The following ITGB2 variants were observed in gnomAD, a reference collection of about 807,000 sequenced individuals.
The protein encoded by ITGB2 is integrin subunit beta 2, also known as integrin beta-2.
Under a neutral mutation model 86.8 loss-of-function variants are expected in ITGB2, and 56 were observed. The ratio of observed to expected loss-of-function variants is 0.65; its 90% CI spans 0.52 to 0.81. The LOEUF (loss-of-function observed/expected upper bound fraction) is 0.81, where lower values mean the gene tolerates loss of function less well. ITGB2 is among the 30% of genes least tolerant of loss of function. The pLI is 0.00. For synonymous variants in ITGB2, 457 were observed against 450.4 expected (o/e 1.01, Z -0.19); for missense variants, 948 against 1,061.2 (o/e 0.89, Z 1.48).
upstream of ITGB2, among the ~76,000 whole-genome samples, chr21:44,924,806 C>T (rs2084351323): frequency 6.6e-6 from 1 of 152,162 alleles, no homozygotes; most frequent in Non-Finnish European, 1.5e-5. Context: ...GCTCTGAAGC[C>T]TCGTGACCCA....
chr21:44,903,625 G>C, intron 4 of ITGB2, 90 bp from the exon 5 acceptor site: 1 of 1,479,196 alleles, frequency 6.8e-7, no homozygotes, highest in Non-Finnish European at 9.3e-7. Flanking sequence ...CTGTGCACTG[G>C]CACCCTCTCC....
chr21:44,886,915 C>T lies in ITGB2; in HGVS notation c.2081-13G>A. 6.2e-7 allele frequency: 1 copy of T among 1,611,732 alleles called. No individual in the cohort carries two copies. Among genetic ancestry groups the T allele is most frequent in the East Asian group, 2.2e-5 (1 of 44,888 alleles). On this transcript the variant is annotated splice_polypyrimidine_tract_variant and intron_variant, in intron 14 of 15. Coordinates refer to ENST00000652462, the MANE Select transcript of ITGB2 (RefSeq NM_000211.5). ...CCTGCCACACACTCTAGGGAAGAAG[C>T]AGCACACCTGAGCGTCAGTCCAGCC... is the stretch of plus-strand genomic sequence containing the variant.
rs1207418790 is a variant in ITGB2 at position 44,886,010 on chromosome 21, A to T, written c.*358T>A. On this transcript the variant is annotated 3_prime_UTR_variant, in exon 16 of 16. Transcript: ENST00000652462. ...TTTTTTCTATACACGTGATTGATTA[A>T]CAATATAATTAATGGGATGTCATTT... 5.7e-6 allele frequency: 2 copies of T among 351,408 alleles called. No individual in the cohort carries two copies. The highest frequency in any genetic ancestry group is 1.1e-5 in the Non-Finnish European group (2 of 184,008). 21.8% of individuals were successfully genotyped at this position (351,408 alleles called of 1,614,324 possible).
chr21:44,894,586 C>T (rs2083836731), intron 9 of ITGB2: 3 of 341,828 alleles, frequency 8.8e-6, no homozygotes, highest in South Asian at 7.2e-5. Flanking sequence ...TTCCACCCCC[C>T]AGGGTGTCTT....
chr21:44,919,158 G>T (rs1330980062), intron 1 of ITGB2, among the ~76,000 whole-genome samples: 2 of 152,190 alleles, frequency 1.3e-5, no homozygotes. Flanking sequence ...CCCCCCCGGG[G>T]TCAGGTGGCC....
At chr21:44,893,337 G>C in intron 10 of ITGB2, 67 bp downstream of exon 10, 2 of 1,588,538 alleles carry the variant, frequency 1.3e-6, no homozygotes, top group Non-Finnish European at 8.6e-7. Flanking sequence ...TGGGGACCCT[G>C]GCTCCTTCTG....
At chr21:44,893,619 A>T (rs1371816063) in intron 9 of ITGB2, 75 bp from the exon 10 acceptor site, 5 of 1,574,166 alleles carry the variant, frequency 3.2e-6, no homozygotes, top group Non-Finnish European at 4.4e-6. Flanking sequence ...AGCGGTTTAG[A>T]CCCGTCTCCA....
At position 44,901,816 on chromosome 21, in the gene ITGB2, C is replaced by G. The variant is rs1382827947; in HGVS notation, c.500-83G>C. Reference sequence around the variant, plus strand: ...AGCTTCAAAGGGGCACGAGGGCAAGCCTGTTTCCTCTCTCCTAGCAGGGAG... The same window carrying G: ...AGCTTCAAAGGGGCACGAGGGCAAGGCTGTTTCCTCTCTCCTAGCAGGGAG... On this transcript the variant is annotated intron_variant, in intron 5 of 15. Transcript: ENST00000652462. The G allele has an allele frequency of 3.4e-6, 5 of 1,452,746 alleles. No homozygotes were observed. The African/African-American group carries it at 4.2e-5, about 12-fold the overall frequency. 90.0% of individuals were successfully genotyped at this position (1,452,746 alleles called of 1,614,324 possible). A position where few individuals can be genotyped will look rare whatever the true frequency, so the allele number is the denominator to read the frequency against.
chr21:44,916,696 C>T (rs78358444), intron 1 of ITGB2, among the ~76,000 whole-genome samples: 4,523 of 151,802 alleles, frequency 0.03, 101 homozygotes, highest in Non-Finnish European at 0.046. Context: ...AGTGAAACCC[C>T]ATCTCTACTA....
rs199810704 is a variant in ITGB2, at chr21:44,907,095, T to A, written c.148A>T (p.Asn50Tyr). ...TCAGGATCCCCCGGCCCTGTGAAGT[T>A]CTGGGGAGGGGGAGTCAGGGGTCAG... is the stretch of plus-strand genomic sequence containing the variant. ...GPGCTWCQKL[N>Y]FTGPGDPDSI... is the part of the protein sequence containing the mutation. Residue 50 changes from asparagine (N) to tyrosine (Y), a missense_variant and splice_region_variant, in exon 4 of 16, where the codon AAC (asparagine) becomes TAC (tyrosine). Asn to Tyr is a moderately radical substitution (Grantham distance 143). Coordinates refer to ENST00000652462, the MANE Select transcript of ITGB2 (RefSeq NM_000211.5). 1 of 1,596,178 alleles carries A rather than the reference T, an allele frequency of 6.3e-7. No homozygotes were observed. Among genetic ancestry groups the A allele is most frequent in the Non-Finnish European group, 8.6e-7 (1 of 1,168,412 alleles).
intron 4 of ITGB2, 34 bp downstream of exon 4, chr21:44,906,881 C>T (rs199851343): frequency 1.0e-4 from 164 of 1,609,758 alleles, no homozygotes; most frequent in Middle Eastern, 3.3e-4. Context: ...CCAGCACAGA[C>T]GGTGCCTGGC....
At chr21:44,920,039 C>G (rs1437423164) in intron 1 of ITGB2, among the ~76,000 whole-genome samples, 1 of 152,166 alleles carries the variant, frequency 6.6e-6, no homozygotes, top group African/African-American at 2.4e-5. Context: ...CCAACTCGAC[C>G]AGAATCGCAC....
chr21:44,921,970 C>G (rs141547941), upstream of ITGB2, among the ~76,000 whole-genome samples: 1 of 152,206 alleles, frequency 6.6e-6, no homozygotes, highest in African/African-American at 2.4e-5. Context: ...GTGATCCATC[C>G]ACCTCTGCCT....
In ITGB2 at chr21:44,906,174, C is replaced by T. The variant is rs974938860; in HGVS notation, c.328+741G>A. On this transcript the variant is annotated intron_variant, in intron 4 of 15. Coordinates refer to ENST00000652462, the MANE Select transcript of ITGB2 (RefSeq NM_000211.5). ...TCCCTTCCCTCCCTTCCCTCCCTCCCTTCCCTCCCCTTCTCTTCCCTTCCT... is the reference window on the plus strand; with the variant it reads ...TCCCTTCCCTCCCTTCCCTCCCTCCTTTCCCTCCCCTTCTCTTCCCTTCCT... Among the ~76,000 whole-genome samples the T allele has an allele frequency of 1.0e-4, 15 of 149,424 alleles. No individual in the cohort carries two copies. In the South Asian group the frequency reaches 2.6e-3, roughly 26 times the overall value.
chr21:44,922,233 C>T (rs1237920290), upstream of ITGB2, among the ~76,000 whole-genome samples: 2 of 152,086 alleles, frequency 1.3e-5, no homozygotes, highest in Non-Finnish European at 2.9e-5. Context: ...AGCACATTGC[C>T]GTTCCATCCT....
intron 8 of ITGB2, among the ~76,000 whole-genome samples, chr21:44,895,347 T>C (rs1207143187): frequency 6.6e-6 from 1 of 151,366 alleles, no homozygotes; most frequent in Non-Finnish European, 1.5e-5. Flanking sequence ...CTGGGCAACA[T>C]AAGAAGACCC....
chr21:44,893,680 G>A, intron 9 of ITGB2, 136 bp from the exon 10 acceptor site: 1 of 1,189,966 alleles, frequency 8.4e-7, no homozygotes, highest in Admixed American at 1.9e-5. Flanking sequence ...ACAGAGGAGA[G>A]CACAGCAGGA....
intron 4 of ITGB2, among the ~76,000 whole-genome samples, chr21:44,906,375 C>A (rs1379817555): frequency 6.6e-6 from 1 of 152,108 alleles, no homozygotes; most frequent in African/African-American, 2.4e-5. Context: ...CCCGCCTCGG[C>A]CTCCCAAAGT....
chr21:44,910,439 G>A lies in ITGB2; in HGVS notation c.59-67C>T, dbSNP rs751773213. The A allele has an allele frequency of 2.2e-5, 36 of 1,610,058 alleles. No individual in the cohort carries two copies. The Admixed American group carries it at 3.0e-4, about 14-fold the overall frequency. Reference sequence around the variant, plus strand: ...CCCTGCCCACACCCAAGGGGGAGTAGAGCAGGAAGGTCAGAGGAGGCCCAA... The same window carrying A: ...CCCTGCCCACACCCAAGGGGGAGTAAAGCAGGAAGGTCAGAGGAGGCCCAA... On this transcript the variant is annotated intron_variant, in intron 2 of 15. Transcript: ENST00000652462.
Sources: gnomAD v4.1 joint callset for allele counts (sites outside exome capture counted in the v4.1 genomes callset) on GRCh38, gnomAD v4.1.1 for gene constraint, MANE v1.5 for transcripts, NCBI Gene and HGNC (gene_info 2026-07-23, HGNC 2026-07-21) for gene names.